Variants in ANO1 observed in about 807,000 individuals in gnomAD.
The protein encoded by ANO1 is anoctamin-1.
ANO1 carries 59 observed loss-of-function variants against 124.0 expected under a neutral mutation model. The ratio of observed to expected loss-of-function variants is 0.48; its 90% confidence interval spans 0.39 to 0.59. The LOEUF (loss-of-function observed/expected upper bound fraction) is 0.59, where lower values mean the gene tolerates loss of function less well. ANO1 is among the 20% of genes least tolerant of loss of function. The probability of loss-of-function intolerance (pLI) is 0.00; values close to 1 mark genes in which losing one functional copy is unlikely to be tolerated. For synonymous variants in ANO1, 529 were observed against 532.0 expected (o/e 0.99, Z 0.08); for missense variants, 1,059 against 1,328.0 (o/e 0.80, Z 3.15).
intron 1 of ANO1, among the ~76,000 whole-genome samples, chr11:70,008,868 C>T (rs78672537): frequency 0.044 from 6,691 of 152,084 alleles, 479 homozygotes; most frequent in African/African-American, 0.15. Context: ...TGAGTGGGGA[C>T]CTTCACAGAC....
chr11:70,172,119 T>TA (rs367908728), intron 22 of ANO1, among the ~76,000 whole-genome samples: 24,170 of 120,346 alleles, frequency 0.2, 3,135 homozygotes, highest in African/African-American at 0.35. Context: ...GAACCTGTCT[T>TA]AAAAAAAAAA....
At chr11:70,011,554 A>T (rs782000333) in intron 1 of ANO1, among the ~76,000 whole-genome samples, 1 of 151,626 alleles carries the variant, frequency 6.6e-6, no homozygotes, top group African/African-American at 2.4e-5. Flanking sequence ...CTCTCCCACA[A>T]CCCCCCACCT....
chr11:70,127,821 A>G (rs1224733749), intron 10 of ANO1, among the ~76,000 whole-genome samples: 5 of 152,178 alleles, frequency 3.3e-5, no homozygotes, highest in Non-Finnish European at 7.3e-5. Flanking sequence ...CAGGCTCCCA[A>G]CCTCTGGCAG....
In ANO1 at chr11:70,163,144, A is replaced by G. The variant is rs1342009864; in HGVS notation, c.1893-139A>G. On this transcript the variant is annotated intron_variant, in intron 18 of 25. Coordinates refer to ENST00000355303, the MANE Select transcript of ANO1 (RefSeq NM_018043.7). ...GTGGTCATCTTTTAGCAGATGCACC[A>G]GGCAGGGAGAGCCGCCTGTAGATAC... 7.4e-6 allele frequency: 6 copies of G among 807,138 alleles called. No individual in the cohort carries two copies. The East Asian group carries it at 1.3e-4, about 18-fold the overall frequency. 50.0% of individuals were successfully genotyped at this position (807,138 alleles called of 1,614,324 possible).
rs192472238 is a variant in ANO1 at position 70,066,897 on chromosome 11, G to A, written c.59-11645G>A. 1.8e-3 allele frequency among the ~76,000 whole-genome samples: 274 copies of A among 152,226 alleles called. 1 individual carries two copies. The highest frequency in any genetic ancestry group is 6.2e-3 in the African/African-American group (257 of 41,522). ...CATGGATGCTGCTAGTCCAGCCAAGGAAGTGCCTGTCCCCACTCCCAGGCC... is the reference window on the plus strand; with the variant it reads ...CATGGATGCTGCTAGTCCAGCCAAGAAAGTGCCTGTCCCCACTCCCAGGCC... On this transcript the variant is annotated intron_variant, in intron 1 of 27. Transcript: ENST00000531349.
chr11:70,054,117 G>C (rs372495573), intron 1 of ANO1, among the ~76,000 whole-genome samples: 2 of 152,182 alleles, frequency 1.3e-5, no homozygotes, highest in Non-Finnish European at 2.9e-5. Flanking sequence ...GGCAAGAGGG[G>C]CCCCTGCCCT....
intron 1 of ANO1, among the ~76,000 whole-genome samples, chr11:70,011,475 C>T (rs1591032737): frequency 6.6e-6 from 1 of 152,124 alleles, no homozygotes; most frequent in Non-Finnish European, 1.5e-5. Flanking sequence ...GGTACTCAGA[C>T]CAGAATCTTT....
At chr11:70,074,089 T>A (rs979542494), upstream of ANO1, among the ~76,000 whole-genome samples, 8 of 152,186 alleles carry the variant, frequency 5.3e-5, no homozygotes, top group East Asian at 1.6e-3. Flanking sequence ...TAGGAGGTGA[T>A]ATCATTTACC....
rs568707468 is a variant in ANO1 at position 70,185,270 on chromosome 11, C to A, written c.2589-320C>A. Among the ~76,000 whole-genome samples, 4 of 152,240 alleles carry A rather than the reference C, an allele frequency of 2.6e-5. No individual in the cohort carries two copies. The East Asian group carries it at 5.8e-4, about 22-fold the overall frequency. On this transcript the variant is annotated intron_variant, in intron 24 of 25. Transcript: ENST00000355303. ...CTCCACTGCTTTTAAAAGTTTGCAA[C>A]CTCCTGGACCACATGGTCCCCACCC...
At chr11:70,071,416 A>T (rs1002957252) in intron 1 of ANO1, among the ~76,000 whole-genome samples, 8 of 152,306 alleles carry the variant, frequency 5.3e-5, no homozygotes, top group African/African-American at 1.9e-4. Flanking sequence ...CAGAAAATAA[A>T]AGCCATCCAA....
intron 10 of ANO1, among the ~76,000 whole-genome samples, chr11:70,130,516 T>C (rs542611799): frequency 6.6e-6 from 1 of 152,180 alleles, no homozygotes; most frequent in Non-Finnish European, 1.5e-5. Flanking sequence ...CAGTCCCCAG[T>C]GCTGGTCCAA....
At chr11:70,187,683 G>A (rs979759149) in intron 25 of ANO1, 55 bp from the exon 26 acceptor site, 33 of 1,552,418 alleles carry the variant, frequency 2.1e-5, no homozygotes, top group Non-Finnish European at 2.7e-5. Context: ...GAGAGGTCAG[G>A]AGCACTTCCC....
At chr11:70,106,836 C>G (rs1384483820) in intron 5 of ANO1, among the ~76,000 whole-genome samples, 1 of 152,166 alleles carries the variant, frequency 6.6e-6, no homozygotes, top group East Asian at 1.9e-4. Context: ...TGGGGTGGTC[C>G]AGTGTGCAAG....
At chr11:70,073,529 G>T (rs1393136051), upstream of ANO1, among the ~76,000 whole-genome samples, 1 of 152,166 alleles carries the variant, frequency 6.6e-6, no homozygotes, top group Non-Finnish European at 1.5e-5. Context: ...GTGTGCCAAG[G>T]ATGGGAAGGA....
In ANO1 at chr11:70,187,918, C is replaced by T; in HGVS notation, c.2875C>T (p.Pro959Ser). Residue 959 changes from proline (P) to serine (S), a missense_variant, in exon 26 of 26, where the codon CCG (proline) becomes TCG (serine). Pro to Ser is a moderately conservative substitution (Grantham distance 74, BLOSUM62 -1). Coordinates refer to ENST00000355303, the MANE Select transcript of ANO1 (RefSeq NM_018043.7). ...GAAGGAGCGGCAGAAGGACGAGCCG[C>T]CGTGCAACCACCACAACACCAAAGC... ...MEKERQKDEP[P>S]CNHHNTKACP... The T allele has an allele frequency of 2.5e-6, 4 of 1,587,800 alleles. No homozygotes were observed. Among genetic ancestry groups the T allele is most frequent in the Non-Finnish European group, 3.4e-6 (4 of 1,168,126 alleles).
In ANO1 at chr11:70,183,536, G is replaced by C. The variant is rs1452885856; in HGVS notation, c.2588+850G>C. Among the ~76,000 whole-genome samples the C allele has an allele frequency of 2.0e-5, 3 of 152,188 alleles. No homozygotes were observed. In the South Asian group the frequency reaches 6.2e-4, roughly 32 times the overall value. On this transcript the variant is annotated intron_variant, in intron 24 of 25. Transcript: ENST00000355303. ...AATGGGGGGGTCCTAGGGAAAACTGGGGTGCTATGACTTGAAGAAGAGGAG... is the reference window on the plus strand; with the variant it reads ...AATGGGGGGGTCCTAGGGAAAACTGCGGTGCTATGACTTGAAGAAGAGGAG...
chr11:70,139,140 G>C (rs549771856), intron 11 of ANO1, among the ~76,000 whole-genome samples: 1 of 152,250 alleles, frequency 6.6e-6, no homozygotes, highest in South Asian at 2.1e-4. Context: ...GTGTTCCCTG[G>C]TGTATACGGA....
intron 1 of ANO1, among the ~76,000 whole-genome samples, chr11:70,004,082 A>G (rs904133752): frequency 5.1e-4 from 78 of 152,216 alleles, no homozygotes; most frequent in African/African-American, 1.8e-3. Flanking sequence ...CCCAGTCCCC[A>G]GGAGCCCACC....
chr11:70,118,583 T>TGGAC (rs2046092050), intron 8 of ANO1, among the ~76,000 whole-genome samples: 1 of 144,396 alleles, frequency 6.9e-6, no homozygotes, highest in African/African-American at 2.6e-5. Flanking sequence ...GATAGATGGA[T>TGGAC]GGATGGATGG....
Sources: allele counts gnomAD v4.1 joint callset (sites outside exome capture counted in the v4.1 genomes callset), GRCh38; gene constraint gnomAD v4.1.1; transcripts MANE v1.5; gene names NCBI Gene and HGNC (gene_info 2026-07-23, HGNC 2026-07-21).